Variants in NDST2 observed in about 807,000 individuals in gnomAD.
NDST2 encodes N-deacetylase and N-sulfotransferase 2, also known as bifunctional heparan sulfate N-deacetylase/N-sulfotransferase 2.
In NDST2, 32 loss-of-function variants were observed where a neutral mutation model predicts 86.9. That is an observed-to-expected ratio of 0.37 (90% CI 0.28 to 0.49). NDST2 has a LOEUF of 0.49. Ranked by LOEUF, NDST2 falls within the 20% of genes least tolerant of loss-of-function variation. NDST2 has a pLI of 0.97. For synonymous variants in NDST2, 409 were observed against 437.0 expected (o/e 0.94, Z 0.80); for missense variants, 950 against 1,146.9 (o/e 0.83, Z 2.48).
At chr10:73,810,533 G>A (rs2084179218) in intron 2 of NDST2, among the ~76,000 whole-genome samples, 1 of 152,152 alleles carries the variant, frequency 6.6e-6, no homozygotes, top group Non-Finnish European at 1.5e-5. Flanking sequence ...GAAGACAGCT[G>A]GGGGAGAGGA....
rs757945155 is a variant in NDST2 at position 73,803,088 on chromosome 10, G to T, written c.2314-7C>A. The T allele has an allele frequency of 6.2e-7, 1 of 1,614,182 alleles. No individual in the cohort carries two copies. Among genetic ancestry groups the T allele is most frequent in the South Asian group, 1.1e-5 (1 of 91,078 alleles). On this transcript the variant is annotated splice_region_variant and splice_polypyrimidine_tract_variant and intron_variant, in intron 12 of 14. Coordinates refer to ENST00000309979, the MANE Select transcript of NDST2 (RefSeq NM_003635.4). ...GCCCATCCACAATCAGCAACTAAAA[G>T]GACAGGGATGTGGTTCCCTCTATAT...
In NDST2 at chr10:73,804,887, A is replaced by G. The variant is rs768525061; in HGVS notation, c.1747-18T>C. 7 of 1,539,600 alleles carry G rather than the reference A, an allele frequency of 4.5e-6. No individual in the cohort carries two copies. The highest frequency in any genetic ancestry group is 6.2e-6 in the Non-Finnish European group (7 of 1,123,184). ...CAGGGATTCTGAAGCCAGGGCCAAT[A>G]ATCAGATAAGGCCTATTTTTTTTTT... On this transcript the variant is annotated intron_variant, in intron 8 of 14. Transcript: ENST00000309979.
Position 73,804,066 on chromosome 10 carries a change from C to A in NDST2, c.1844-50G>T, listed in dbSNP as rs777331494. The A allele has an allele frequency of 1.9e-6, 3 of 1,602,826 alleles. No individual in the cohort carries two copies. In the African/African-American group the frequency reaches 4.0e-5, roughly 21 times the overall value. ...TCAGGCAGCCATTGTGGGAGGGAAG[C>A]CAGCTCAACAGCATAAGCTTGAAGG... On this transcript the variant is annotated intron_variant, in intron 9 of 14. Coordinates refer to ENST00000309979, the MANE Select transcript of NDST2 (RefSeq NM_003635.4).
In NDST2 at chr10:73,803,730, A is replaced by G; in HGVS notation, c.1986T>C (p.Pro662=). The change falls in exon 11 of 15, where the codon CCT becomes CCC. Residue 662 remains proline (P), a synonymous_variant. Transcript: ENST00000309979. The part of the protein sequence containing the change: ...KGIDWYMDFF[P]VPSNASTDFL... ...AATCAGTGCTGGCATTGGAAGGAAC[A>G]GGGAAGAAATCCATGTACCTAGGAA... The G allele has an allele frequency of 6.2e-7, 1 of 1,614,206 alleles. No homozygotes were observed. Among genetic ancestry groups the G allele is most frequent in the Non-Finnish European group, 8.5e-7 (1 of 1,180,038 alleles).
Position 73,803,285 on chromosome 10 carries a change from G to A in NDST2, c.2217C>T (p.Thr739=), listed in dbSNP as rs151172153. 5,763 of 1,614,182 alleles carry A rather than the reference G, an allele frequency of 3.6e-3. 46 individuals carry two copies. Among genetic ancestry groups the A allele is most frequent in the South Asian group, 0.016 (1,412 of 91,084 alleles). The part of the protein sequence containing the change: ...FYQVISASSQ[T]PLALRSLQNR... Reference sequence around the variant, plus strand: ...TCTGCAGGGAGCGTAGTGCCAGAGGGGTCTGGGAGGAGGCTGAAATCACCT... The same window carrying A: ...TCTGCAGGGAGCGTAGTGCCAGAGGAGTCTGGGAGGAGGCTGAAATCACCT... Residue 739 remains threonine, a synonymous_variant, in exon 12 of 15, where the codon ACC becomes ACT. Transcript: ENST00000309979.
chr10:73,809,560 C>G (rs975385173), intron 2 of NDST2, among the ~76,000 whole-genome samples: 2 of 152,132 alleles, frequency 1.3e-5, no homozygotes, highest in Non-Finnish European at 2.9e-5. Context: ...TCAGAAGAGT[C>G]CCTGAGCTAG....
intron 8 of NDST2, 146 bp downstream of exon 8, chr10:73,805,441 G>A: frequency 1.4e-6 from 1 of 735,790 alleles, no homozygotes; most frequent in South Asian, 1.8e-5. Context: ...TTGAACCTGG[G>A]AGGTGGAGGT....
rs1371262407 is a variant in NDST2 at position 73,806,814 on chromosome 10, A to G, written c.1094-3T>C. On this transcript the variant is annotated splice_polypyrimidine_tract_variant and splice_region_variant and intron_variant, in intron 4 of 14. Coordinates refer to ENST00000309979, the MANE Select transcript of NDST2 (RefSeq NM_003635.4). This position sits in a 1 kb window ranked among gnomAD's most constrained non-coding sequence, Gnocchi z 4.5. The stretch of plus-strand genomic sequence containing the variant: ...CCCTGCATCCTCCTCCTCTGTCCCT[A>G]TGACCACACGCTGACCACTGACCAC... The G allele has an allele frequency of 8.7e-6, 14 of 1,613,096 alleles. No homozygotes were observed. The East Asian group carries it at 2.7e-4, about 31-fold the overall frequency.
rs781246761 is a variant in NDST2 at position 73,803,880 on chromosome 10, G to A, written c.1967+13C>T. ...GTTCCTCTGAGAAACATTCAAATGG[G>A]GCCCAGTCTCACCAGTCAATACCCT... On this transcript the variant is annotated intron_variant, in intron 10 of 14. Transcript: ENST00000309979. 8.1e-5 allele frequency: 130 copies of A among 1,613,964 alleles called. No homozygotes were observed. Among genetic ancestry groups the A allele is most frequent in the Admixed American group, 1.5e-4 (9 of 60,000 alleles).
rs572428463 is a variant in NDST2 at position 73,806,078 on chromosome 10, T to C, written c.1435-50A>G. ...GAGATTTGAAAGATAGAATGAGAAG[T>C]AGATGGAGGACACTGGGATTTATAG... On this transcript the variant is annotated intron_variant, in intron 6 of 14. Coordinates refer to ENST00000309979, the MANE Select transcript of NDST2 (RefSeq NM_003635.4). This position sits in a 1 kb window ranked among gnomAD's most constrained non-coding sequence, Gnocchi z 4.5. 1.4e-5 allele frequency: 23 copies of C among 1,600,812 alleles called. No homozygotes were observed. The East Asian group carries it at 4.0e-4, about 28-fold the overall frequency.
chr10:73,804,901 TA>T (rs373147080), intron 8 of NDST2, 32 bp from the exon 9 acceptor site: 126 of 1,301,610 alleles, frequency 9.7e-5, no homozygotes, highest in South Asian at 5.0e-4. Flanking sequence ...AGATAAGGCC[TA>T]TTTTTTTTTT....
Position 73,804,770 on chromosome 10 carries a change from C to T in NDST2, c.1843+3G>A. The T allele has an allele frequency of 1.2e-6, 2 of 1,604,068 alleles. No individual in the cohort carries two copies. Among genetic ancestry groups the T allele is most frequent in the Non-Finnish European group, 8.5e-7 (1 of 1,171,560 alleles). On this transcript the variant is annotated splice_donor_region_variant and intron_variant, in intron 9 of 14. Coordinates refer to ENST00000309979, the MANE Select transcript of NDST2 (RefSeq NM_003635.4). ...CAAGAGAAGTTAGCTAAGGATACTTCACCTGTTTTCTGGGGTCCCACAATG... is the reference window on the plus strand; with the variant it reads ...CAAGAGAAGTTAGCTAAGGATACTTTACCTGTTTTCTGGGGTCCCACAATG...
At position 73,802,765 on chromosome 10, in the gene NDST2, T is replaced by C. The variant is rs73274599; in HGVS notation, c.2435A>G (p.Asp812Gly). The change falls in exon 14 of 15, where the codon GAT (aspartate) becomes GGT (glycine). Residue 812 changes from aspartate (D) to glycine (G), a missense_variant. By Grantham distance (94) the Asp-to-Gly change is moderately conservative (BLOSUM62 -1). This residue lies in a region of NDST2 where 303 missense variants were observed against 323.7 expected (regional missense o/e 0.94). Coordinates refer to ENST00000309979, the MANE Select transcript of NDST2 (RefSeq NM_003635.4). ...NYTRTLRFDD[D>G]KGFWCQGLEG... is the part of the protein sequence containing the mutation. ...AAGTCCCTGGCACCAAAATCCCTTA[T>C]CATCATCAAACCTGCTCAACAGGAA... 1.4e-3 allele frequency: 2,231 copies of C among 1,613,808 alleles called. 34 individuals are homozygous for C. The African/African-American group carries it at 0.022, about 16-fold the overall frequency.
Position 73,802,959 on chromosome 10 carries a change from C to T in NDST2, c.2423+13G>A. 1 of 1,612,358 alleles carries T rather than the reference C, an allele frequency of 6.2e-7. No individual in the cohort carries two copies. The highest frequency in any genetic ancestry group is 1.1e-5 in the South Asian group (1 of 91,000). On this transcript the variant is annotated intron_variant, in intron 13 of 14. Transcript: ENST00000309979. ...CCCATACAGTACTCCTCCCCTGGGT[C>T]ATGCTCTCCCACCTGAGGGTCCGTG...
Position 73,802,405 on chromosome 10 carries a change from C to G in NDST2, c.*46G>C. The G allele has an allele frequency of 6.2e-7, 1 of 1,610,392 alleles. No individual in the cohort carries two copies. Among genetic ancestry groups the G allele is most frequent in the African/African-American group, 1.3e-5 (1 of 74,978 alleles). ...TTGTGGGCCCTGCTCTGGACCTGCCCCTTAGGGAAGCAGGGGGCATTTTGC... is the reference window on the plus strand; with the variant it reads ...TTGTGGGCCCTGCTCTGGACCTGCCGCTTAGGGAAGCAGGGGGCATTTTGC... On this transcript the variant is annotated 3_prime_UTR_variant, in exon 15 of 15. Coordinates refer to ENST00000309979, the MANE Select transcript of NDST2 (RefSeq NM_003635.4).
In NDST2 at chr10:73,803,012, G is replaced by A. The variant is rs746590818; in HGVS notation, c.2383C>T (p.Leu795=). 10 of 1,614,098 alleles carry A rather than the reference G, an allele frequency of 6.2e-6. No individual in the cohort carries two copies. In the Admixed American group the frequency reaches 1.0e-4, roughly 16 times the overall value. ...AASMESIQKF[L]GITPFLNYTR... ...TAGTTCAGAAAGGGTGTGATACCCA[G>A]GAACTTCTGGATGCTCTCCATTGAG... is the stretch of plus-strand genomic sequence containing the variant. Residue 795 remains leucine (L), a synonymous_variant, in exon 13 of 15, where the codon CTG becomes TTG. Transcript: ENST00000309979.
chr10:73,807,207 A>G lies in NDST2; in HGVS notation c.1006-12T>C. On this transcript the variant is annotated splice_polypyrimidine_tract_variant and intron_variant, in intron 3 of 14. Coordinates refer to ENST00000309979, the MANE Select transcript of NDST2 (RefSeq NM_003635.4). Reference sequence around the variant, plus strand: ...GTGGTCAACAGAGCCTGGGAAGAGTAGCAGGGACAAGAGAAATCAGGAGAG... The same window carrying G: ...GTGGTCAACAGAGCCTGGGAAGAGTGGCAGGGACAAGAGAAATCAGGAGAG... 6.2e-7 allele frequency: 1 copy of G among 1,609,586 alleles called. No homozygotes were observed. The highest frequency in any genetic ancestry group is 8.5e-7 in the Non-Finnish European group (1 of 1,175,816).
rs1211782440 is a variant in NDST2 at position 73,804,777 on chromosome 10, T to G, written c.1839A>C (p.Lys613Asn). 6 of 1,610,682 alleles carry G rather than the reference T, an allele frequency of 3.7e-6. No homozygotes were observed. Among genetic ancestry groups the G allele is most frequent in the Admixed American group, 1.7e-5 (1 of 59,900 alleles). Residue 613 changes from lysine (K) to asparagine (N), a missense_variant, in exon 9 of 15, where the codon AAA (lysine) becomes AAC (asparagine). Physicochemically the swap from Lys to Asn is moderately conservative, Grantham distance 94 (BLOSUM62 0). Transcript: ENST00000309979. ...LPKFLIVGPQ[K>N]TGTTAIHFFL... ...AGTTAGCTAAGGATACTTCACCTGT[T>G]TTCTGGGGTCCCACAATGAGGAACT...
In NDST2 at chr10:73,802,028, G is replaced by C. The variant is rs2083987998; in HGVS notation, c.*423C>G. 2.8e-6 allele frequency: 1 copy of C among 353,344 alleles called. No homozygotes were observed. The highest frequency in any genetic ancestry group is 2.1e-5 in the African/African-American group (1 of 47,372). The allele number at this position is 353,344 out of a possible 1,614,324, so 21.9% of individuals were successfully genotyped here. ...CATTCAATGTGAATGACATTAGGGAGGCCGGGCCACAGGTAGATCCCACTG... is the reference window on the plus strand; with the variant it reads ...CATTCAATGTGAATGACATTAGGGACGCCGGGCCACAGGTAGATCCCACTG... On this transcript the variant is annotated 3_prime_UTR_variant, in exon 15 of 15. Coordinates refer to ENST00000309979, the MANE Select transcript of NDST2 (RefSeq NM_003635.4).
Sources: allele counts gnomAD v4.1 joint callset (sites outside exome capture counted in the v4.1 genomes callset), GRCh38; gene constraint gnomAD v4.1.1; regional missense constraint gnomAD v4.1.1; non-coding constraint Gnocchi (gnomAD v3.1); transcripts MANE v1.5; gene names NCBI Gene and HGNC (gene_info 2026-07-23, HGNC 2026-07-21).